POLR1D: variants seen among roughly 807,000 people sequenced by gnomAD.
POLR1D encodes the protein DNA-directed RNA polymerases I and III subunit RPAC2.
Under a neutral mutation model 10.8 loss-of-function variants are expected in POLR1D, and 8 were observed. The observed-to-expected ratio is 0.74, with a 90% confidence interval of 0.43 to 1.33. The LOEUF (loss-of-function observed/expected upper bound fraction) is 1.33. POLR1D is among the 40% of genes most tolerant of loss of function. POLR1D has a pLI of 0.01. For missense variants in POLR1D, 152 were observed against 161.7 expected (o/e 0.94, Z 0.32); for synonymous variants, 54 against 57.2 (o/e 0.94, Z 0.25).
intron 1 of POLR1D, among the ~76,000 whole-genome samples, chr13:27,635,592 ATC>A (rs1956115212): frequency 6.6e-6 from 1 of 151,876 alleles, no homozygotes; most frequent in Non-Finnish European, 1.5e-5. Context: ...ATACATAACT[ATC>A]AATAGTCTAT....
At chr13:27,623,994 G>T (rs1187061461), downstream of POLR1D, among the ~76,000 whole-genome samples, 1 of 152,180 alleles carries the variant, frequency 6.6e-6, no homozygotes, top group East Asian at 1.9e-4. Context: ...AGTAGGTATA[G>T]CCTAGGGTAA....
At chr13:27,624,277 G>A (rs880214), downstream of POLR1D, among the ~76,000 whole-genome samples, 8,528 of 152,140 alleles carry the variant, frequency 0.056, 296 homozygotes, top group Middle Eastern at 0.16. Context: ...TATGCTATTG[G>A]TAGTGCTTAT....
intron 1 of POLR1D, among the ~76,000 whole-genome samples, chr13:27,645,265 C>T (rs758040860): frequency 6.6e-6 from 1 of 151,868 alleles, no homozygotes; most frequent in African/African-American, 2.4e-5. Context: ...CCTTTTTTTT[C>T]CCCATTTAGT....
exon 3 of POLR1D, chr13:27,666,005 G>T (rs757957762): frequency 1.3e-6 from 2 of 1,557,166 alleles, no homozygotes; most frequent in Non-Finnish European, 8.8e-7. Context: ...CCTTCGGGGT[G>T]CGGTGTGCGG....
At chr13:27,648,360 T>A in intron 1 of POLR1D, 2 of 1,541,332 alleles carry the variant, frequency 1.3e-6, no homozygotes, top group Non-Finnish European at 1.8e-6. Flanking sequence ...CTCTCAAATC[T>A]TTTCCTTTTT....
downstream of POLR1D, among the ~76,000 whole-genome samples, chr13:27,627,865 G>A (rs1479199406): frequency 7.4e-6 from 1 of 135,518 alleles, no homozygotes; most frequent in Non-Finnish European, 1.6e-5. Flanking sequence ...TGTAAGAGAG[G>A]AGATAAAAGG....
intron 2 of POLR1D, among the ~76,000 whole-genome samples, chr13:27,659,800 A>G (rs1956343178): frequency 6.6e-6 from 1 of 151,688 alleles, no homozygotes; most frequent in African/African-American, 2.4e-5. Flanking sequence ...GACTTCCCCT[A>G]CCTTCTGTTC....
intron 2 of POLR1D, among the ~76,000 whole-genome samples, chr13:27,661,437 C>T (rs1046937750): frequency 3.9e-5 from 6 of 152,222 alleles, no homozygotes; most frequent in African/African-American, 1.4e-4. Context: ...GAGAAAGTCG[C>T]CCCCCAGGTC....
intron 2 of POLR1D, chr13:27,651,679 A>T (rs1956268573): frequency 6.6e-6 from 1 of 152,192 alleles, no homozygotes; most frequent in Non-Finnish European, 1.5e-5. Context: ...TATTTATATT[A>T]ATAGATGTAA....
chr13:27,637,376 C>T (rs898002261), intron 1 of POLR1D, among the ~76,000 whole-genome samples: 28 of 152,250 alleles, frequency 1.8e-4, no homozygotes, highest in African/African-American at 5.3e-4. Flanking sequence ...TTGCATTGTA[C>T]CAGAGCTCTA....
At chr13:27,627,918 G>A (rs2138527441), downstream of POLR1D, among the ~76,000 whole-genome samples, 1 of 152,162 alleles carries the variant, frequency 6.6e-6, no homozygotes, top group Non-Finnish European at 1.5e-5. Flanking sequence ...AAGTAACTTG[G>A]AGACAGATTC....
At chr13:27,622,384 C>G in intron 1 of POLR1D, 1 of 344,488 alleles carries the variant, frequency 2.9e-6, no homozygotes, top group Non-Finnish European at 5.3e-6. Context: ...GTGCGCTGAG[C>G]TCTTTTTCTC....
intron 1 of POLR1D, among the ~76,000 whole-genome samples, chr13:27,647,855 G>T (rs1956234150): frequency 6.6e-6 from 1 of 152,030 alleles, no homozygotes; most frequent in South Asian, 2.1e-4. Flanking sequence ...AGATCAACTG[G>T]TATATACTAT....
chr13:27,646,845 AAAT>A (rs1229132103), intron 1 of POLR1D, among the ~76,000 whole-genome samples: 1 of 152,210 alleles, frequency 6.6e-6, no homozygotes, highest in African/African-American at 2.4e-5. Context: ...AAAATCTTTT[AAAT>A]AATATTTGTC....
At chr13:27,657,171 C>A (rs965648185) in intron 2 of POLR1D, among the ~76,000 whole-genome samples, 1 of 152,156 alleles carries the variant, frequency 6.6e-6, no homozygotes, top group Non-Finnish European at 1.5e-5. Context: ...ACAAATATGT[C>A]TTCTATTTAT....
rs1393858336 is a variant in POLR1D, at chr13:27,663,406, T to TTTAA, written c.102-2280_102-2279insTTAA. 3.8e-4 allele frequency among the ~76,000 whole-genome samples: 58 copies of TTTAA among 152,270 alleles called. No homozygotes were observed. The highest frequency in any genetic ancestry group is 1.4e-3 in the African/African-American group (57 of 41,570). On this transcript the variant is annotated intron_variant, in intron 2 of 2. Coordinates refer to the POLR1D transcript ENST00000399697. The surrounding 1 kb of genome is among the most constrained non-coding windows in gnomAD (Gnocchi z 4.1). Reference sequence around the variant, plus strand: ...GCATAACCAACATTAAAAAACTGCATCTCTGATGTTAAAAGAGATGTAAAT... The same window carrying TTTAA: ...GCATAACCAACATTAAAAAACTGCATTTAACTCTGATGTTAAAAGAGATGTAAAT...
intron 1 of POLR1D, among the ~76,000 whole-genome samples, chr13:27,638,542 T>G (rs1272323128): frequency 1.3e-5 from 2 of 152,230 alleles, no homozygotes; most frequent in African/African-American, 4.8e-5. Flanking sequence ...TTTTTTTCCC[T>G]ATTCTTTGGC....
At chr13:27,642,824 A>G (rs1001810737) in intron 1 of POLR1D, among the ~76,000 whole-genome samples, 1 of 152,210 alleles carries the variant, frequency 6.6e-6, no homozygotes, top group Non-Finnish European at 1.5e-5. Context: ...TATTATCATC[A>G]TTGCAAAAAG....
intron 1 of POLR1D, among the ~76,000 whole-genome samples, chr13:27,629,575 T>C (rs2138529731): frequency 6.6e-6 from 1 of 152,326 alleles, no homozygotes; most frequent in South Asian, 2.1e-4. Context: ...CTTCAGTCTG[T>C]AATATGATTT....
Sources: allele counts gnomAD v4.1 joint callset (sites outside exome capture counted in the v4.1 genomes callset), GRCh38; gene constraint gnomAD v4.1.1; non-coding constraint Gnocchi (gnomAD v3.1); transcripts MANE v1.5; gene names NCBI Gene and HGNC (gene_info 2026-07-23, HGNC 2026-07-21).